SNTG2: variants seen among roughly 807,000 people sequenced by gnomAD.
SNTG2 encodes gamma-2-syntrophin.
SNTG2 carries 74 observed loss-of-function variants against 70.9 expected under a neutral mutation model. The observed-to-expected ratio is 1.04, with a 90% CI of 0.86 to 1.27. The LOEUF (loss-of-function observed/expected upper bound fraction) is 1.27, where lower values mean the gene tolerates loss of function less well. Ranked by LOEUF, SNTG2 falls within the 50% of genes most tolerant of loss-of-function variation. The pLI, the probability that SNTG2 is intolerant of heterozygous loss-of-function variation, is 0.00. For missense variants in SNTG2, 717 were observed against 690.7 expected (o/e 1.04, Z -0.43); for synonymous variants, 278 against 273.8 (o/e 1.02, Z -0.15).
intron 4 of SNTG2, among the ~76,000 whole-genome samples, chr2:1,109,975 G>A (rs916105782): frequency 4.6e-5 from 7 of 152,164 alleles, no homozygotes; most frequent in Non-Finnish European, 7.3e-5. Context: ...GCTGAAGGGC[G>A]GGTTCTTACA....
intron 14 of SNTG2, among the ~76,000 whole-genome samples, chr2:1,296,585 C>T (rs1023655888): frequency 6.6e-6 from 1 of 152,252 alleles, no homozygotes; most frequent in East Asian, 1.9e-4. Context: ...TCCTGGCCCA[C>T]ACTGGCCGGG....
intron 1 of SNTG2, among the ~76,000 whole-genome samples, chr2:975,325 A>G (rs1383197462): frequency 6.6e-6 from 1 of 152,014 alleles, no homozygotes; most frequent in African/African-American, 2.4e-5. Context: ...ATTTGCACTT[A>G]CACCCATGAG....
chr2:1,229,298 G>T (rs531538012), intron 9 of SNTG2, among the ~76,000 whole-genome samples: 1 of 89,288 alleles, frequency 1.1e-5, no homozygotes. Context: ...GGTTCTCCAC[G>T]TTCCCATCAG....
Position 1,233,748 on chromosome 2 carries a change from G to A in SNTG2, c.720-4140G>A, listed in dbSNP as rs190439233. On this transcript the variant is annotated intron_variant, in intron 9 of 16. Transcript: ENST00000308624. ...AATTGATTCACTTTCTAGAGTATAA[G>A]TCTATTTTCAGTTTTCTCTTTGGAA... 3.3e-5 allele frequency among the ~76,000 whole-genome samples: 5 copies of A among 152,310 alleles called. No individual in the cohort carries two copies. In the East Asian group the frequency reaches 9.6e-4, roughly 29 times the overall value.
intron 1 of SNTG2, among the ~76,000 whole-genome samples, chr2:1,005,811 AT>A (rs1659546570): frequency 9.6e-4 from 6 of 6,232 alleles, no homozygotes; most frequent in African/African-American, 4.3e-3. Context: ...CTCAAAATAT[AT>A]ATATATATAT....
chr2:1,000,667 C>A (rs1010345935), intron 1 of SNTG2, among the ~76,000 whole-genome samples: 6 of 151,584 alleles, frequency 4.0e-5, no homozygotes, highest in Admixed American at 3.9e-4. Context: ...GACAGTTTCA[C>A]AGATAAATTA....
At chr2:976,266 A>G (rs1401410890) in intron 1 of SNTG2, among the ~76,000 whole-genome samples, 1 of 152,210 alleles carries the variant, frequency 6.6e-6, no homozygotes, top group African/African-American at 2.4e-5. Flanking sequence ...TTTATCATGA[A>G]ATAACATTTG....
intron 8 of SNTG2, among the ~76,000 whole-genome samples, chr2:1,196,289 AC>A (rs1472834670): frequency 6.6e-6 from 1 of 152,214 alleles, no homozygotes; most frequent in Non-Finnish European, 1.5e-5. Context: ...GAATTTCTGA[AC>A]TTGAAGACAG....
At chr2:1,123,729 C>T (rs13405062) in intron 4 of SNTG2, among the ~76,000 whole-genome samples, 71,767 of 152,048 alleles carry the variant, frequency 0.47, 17,957 homozygotes, top group East Asian at 0.66. Flanking sequence ...AACTGAAGTT[C>T]CTGCACAGCA....
chr2:1,137,256 C>A (rs77184528), intron 4 of SNTG2, among the ~76,000 whole-genome samples: 6,131 of 151,658 alleles, frequency 0.04, 417 homozygotes, highest in African/African-American at 0.14. Flanking sequence ...CTTGCAAATA[C>A]CCGTGCATGC....
chr2:1,239,515 A>G (rs1298656402), intron 10 of SNTG2, among the ~76,000 whole-genome samples: 1 of 152,232 alleles, frequency 6.6e-6, no homozygotes, highest in Non-Finnish European at 1.5e-5. Flanking sequence ...CACTTACATA[A>G]ATGCTGATAT....
chr2:1,259,817 G>A (rs1462910209), intron 13 of SNTG2, among the ~76,000 whole-genome samples: 2 of 152,168 alleles, frequency 1.3e-5, no homozygotes, highest in African/African-American at 4.8e-5. Context: ...ATACAAATTT[G>A]CCCCAGGGTC....
intron 14 of SNTG2, among the ~76,000 whole-genome samples, chr2:1,305,196 C>T (rs1680621842): frequency 6.6e-6 from 1 of 152,192 alleles, no homozygotes; most frequent in South Asian, 2.1e-4. Flanking sequence ...TCCATAATTT[C>T]ATCAGTAGAT....
At chr2:1,087,522 A>T (rs73170889) in intron 2 of SNTG2, among the ~76,000 whole-genome samples, 1,591 of 152,236 alleles carry the variant, frequency 0.01, 26 homozygotes, top group African/African-American at 0.035. Flanking sequence ...GTTAGACTAT[A>T]TGTAGCTTAA....
Position 1,270,815 on chromosome 2 carries a change from G to A in SNTG2, c.1284+3244G>A, listed in dbSNP as rs540277225. On this transcript the variant is annotated intron_variant, in intron 14 of 16. Coordinates refer to ENST00000308624, the MANE Select transcript of SNTG2 (RefSeq NM_018968.4). ...CCTGACTTTGATCGTATTCCAACCC[G>A]ACTTGCAATTTTAAATCTCCAGAAT... 5.3e-5 allele frequency among the ~76,000 whole-genome samples: 8 copies of A among 152,248 alleles called. No individual in the cohort carries two copies. The East Asian group carries it at 5.8e-4, about 11-fold the overall frequency.
chr2:1,024,730 T>C (rs958719087), intron 1 of SNTG2, among the ~76,000 whole-genome samples: 12 of 152,130 alleles, frequency 7.9e-5, no homozygotes, highest in Non-Finnish European at 1.8e-4. Flanking sequence ...AATGAAAAGA[T>C]GAGAATTAAT....
intron 9 of SNTG2, among the ~76,000 whole-genome samples, chr2:1,234,905 GA>G (rs1319612367): frequency 6.6e-6 from 1 of 152,204 alleles, no homozygotes; most frequent in Non-Finnish European, 1.5e-5. Context: ...CCACAGTACT[GA>G]CCCTGCTGAG....
At chr2:1,187,841 C>T (rs1672339725) in intron 8 of SNTG2, among the ~76,000 whole-genome samples, 1 of 152,170 alleles carries the variant, frequency 6.6e-6, no homozygotes, top group Non-Finnish European at 1.5e-5. Flanking sequence ...AACTGTTGAG[C>T]TATCTTTATG....
At chr2:1,023,620 T>G (rs762712793) in intron 1 of SNTG2, among the ~76,000 whole-genome samples, 2 of 152,226 alleles carry the variant, frequency 1.3e-5, no homozygotes, top group Non-Finnish European at 2.9e-5. Context: ...AATTCTTGCC[T>G]TTGTGGGCCC....
Sources: allele counts gnomAD v4.1 joint callset (sites outside exome capture counted in the v4.1 genomes callset), GRCh38; gene constraint gnomAD v4.1.1; transcripts MANE v1.5; gene names NCBI Gene and HGNC (gene_info 2026-07-23, HGNC 2026-07-21).